The following NPAS3 variants were observed in gnomAD, a reference collection of about 807,000 sequenced individuals.
NPAS3 encodes the protein neuronal PAS domain-containing protein 3.
A neutral mutation model predicts 73.1 loss-of-function variants in NPAS3; 14 were observed. The observed-to-expected ratio is 0.19, with a 90% confidence interval of 0.13 to 0.30. NPAS3 has a LOEUF of 0.30. Ranked by LOEUF, NPAS3 falls within the 10% of genes least tolerant of loss-of-function variation. The pLI, the probability that NPAS3 is intolerant of heterozygous loss-of-function variation, is 1.00. For synonymous variants in NPAS3, 620 were observed against 541.5 expected (o/e 1.14, Z -2.01); for missense variants, 1,096 against 1,250.0 (o/e 0.88, Z 1.86).
At chr14:33,300,368 T>C (rs1288475863) in intron 3 of NPAS3, among the ~76,000 whole-genome samples, 2 of 152,204 alleles carry the variant, frequency 1.3e-5, no homozygotes, top group Non-Finnish European at 1.5e-5. Context: ...CCAAATAATA[T>C]TGGCTTAACT....
chr14:33,635,141 A>G (rs1036340037), intron 5 of NPAS3, among the ~76,000 whole-genome samples: 1 of 152,238 alleles, frequency 6.6e-6, no homozygotes, highest in Non-Finnish European at 1.5e-5. Flanking sequence ...AAGGGCGTAC[A>G]TTGTGCCATT....
At chr14:33,784,730 T>TTTA (rs1341236642) in intron 9 of NPAS3, among the ~76,000 whole-genome samples, 17 of 101,884 alleles carry the variant, frequency 1.7e-4, no homozygotes, top group African/African-American at 8.1e-4. Flanking sequence ...TTTTTATTTA[T>TTTA]TTATTTATTT....
At chr14:33,556,069 A>G (rs2055344841) in intron 4 of NPAS3, among the ~76,000 whole-genome samples, 1 of 152,130 alleles carries the variant, frequency 6.6e-6, no homozygotes, top group South Asian at 2.1e-4. Flanking sequence ...CATGTGTTGA[A>G]GCCTCTGTTT....
intron 5 of NPAS3, chr14:33,578,237 A>G (rs1412119684): frequency 4.4e-6 from 2 of 455,718 alleles, no homozygotes; most frequent in Non-Finnish European, 8.8e-6. Context: ...CTTGTTGCCC[A>G]GGCTGGAGTG....
chr14:33,378,513 G>A (rs2046399948), intron 4 of NPAS3, among the ~76,000 whole-genome samples: 2 of 152,138 alleles, frequency 1.3e-5, no homozygotes, highest in East Asian at 1.9e-4. Context: ...GCACGTGCTT[G>A]TAATCCCAGC....
intron 1 of NPAS3, among the ~76,000 whole-genome samples, chr14:32,988,408 G>C (rs1595160627): frequency 6.6e-6 from 1 of 152,132 alleles, no homozygotes; most frequent in East Asian, 1.9e-4. Context: ...TTTAGAAACA[G>C]ACACATCCTA....
intron 2 of NPAS3, among the ~76,000 whole-genome samples, chr14:33,175,001 A>G (rs551411189): frequency 6.6e-6 from 1 of 152,180 alleles, no homozygotes; most frequent in Non-Finnish European, 1.5e-5. Flanking sequence ...AAGGAAACAA[A>G]CATTGAGGAA....
intron 2 of NPAS3, among the ~76,000 whole-genome samples, chr14:33,122,164 A>T (rs1429198931): frequency 6.6e-6 from 1 of 152,120 alleles, no homozygotes; most frequent in African/African-American, 2.4e-5. Context: ...CTGTAAAGGG[A>T]TGCCTTTCTG....
chr14:33,676,467 A>G, intron 6 of NPAS3, 82 bp downstream of exon 6: 3 of 1,205,428 alleles, frequency 2.5e-6, no homozygotes, highest in East Asian at 2.6e-5. Flanking sequence ...ATGTGAAGAG[A>G]CTATAAATAG....
intron 4 of NPAS3, among the ~76,000 whole-genome samples, chr14:33,480,497 GTCTC>G (rs1201838828): frequency 1.3e-5 from 2 of 148,708 alleles, no homozygotes; most frequent in African/African-American, 5.0e-5. Context: ...CTCTCCGTCT[GTCTC>G]TCTCTCTCCC....
chr14:33,732,715 C>T (rs1212739951), intron 6 of NPAS3, among the ~76,000 whole-genome samples: 4 of 152,162 alleles, frequency 2.6e-5, no homozygotes, highest in African/African-American at 9.7e-5. Context: ...TGAGGCAAAA[C>T]CGACCTTAAC....
intron 3 of NPAS3, among the ~76,000 whole-genome samples, chr14:33,329,298 C>T (rs533160320): frequency 7.2e-4 from 109 of 152,228 alleles, no homozygotes; most frequent in Non-Finnish European, 1.2e-3. Flanking sequence ...CAGACAGCAG[C>T]GAACAAGCAA....
chr14:33,388,982 T>G (rs1181168801), intron 4 of NPAS3, among the ~76,000 whole-genome samples: 1 of 152,066 alleles, frequency 6.6e-6, no homozygotes, highest in Non-Finnish European at 1.5e-5. Flanking sequence ...TGTTGTTCCC[T>G]TCTCACCTTT....
intron 2 of NPAS3, among the ~76,000 whole-genome samples, chr14:33,121,779 C>T (rs536961279): frequency 7.9e-4 from 120 of 152,206 alleles, no homozygotes; most frequent in Non-Finnish European, 1.5e-3. Flanking sequence ...ATTACTGAAG[C>T]TTAAATGTTC....
chr14:33,347,664 A>C (rs1028197538), intron 3 of NPAS3, among the ~76,000 whole-genome samples: 5 of 152,222 alleles, frequency 3.3e-5, no homozygotes, highest in African/African-American at 1.2e-4. Context: ...ACAGATAACA[A>C]AATCCTTGGA....
chr14:33,098,972 T>C (rs1322715586), intron 2 of NPAS3, among the ~76,000 whole-genome samples: 2 of 152,240 alleles, frequency 1.3e-5, no homozygotes, highest in Non-Finnish European at 2.9e-5. Context: ...AAACTTAGTC[T>C]ATGTTCCAGT....
At chr14:33,354,865 C>T (rs2140362138) in intron 3 of NPAS3, among the ~76,000 whole-genome samples, 1 of 152,288 alleles carries the variant, frequency 6.6e-6, no homozygotes, top group East Asian at 1.9e-4. Context: ...CTAGGGTCAA[C>T]TCATCGTCAT....
intron 2 of NPAS3, among the ~76,000 whole-genome samples, chr14:33,085,997 C>T (rs1243379734): frequency 6.6e-6 from 1 of 152,092 alleles, no homozygotes; most frequent in African/African-American, 2.4e-5. Context: ...GGCATATTGT[C>T]TCTTGGCATA....
At position 33,267,839 on chromosome 14, in the gene NPAS3, C is replaced by T. The variant is rs886805764; in HGVS notation, c.385+52413C>T. On this transcript the variant is annotated intron_variant, in intron 3 of 11. Transcript: ENST00000356141. ...CATTGGGCATGCAGAGGAGTGCTAT[C>T]GGCACATATTGGGATGAAGTGAGTC... 4.6e-5 allele frequency among the ~76,000 whole-genome samples: 7 copies of T among 152,210 alleles called. 1 individual carries two copies. The highest frequency in any genetic ancestry group is 3.9e-4 in the Admixed American group (6 of 15,282).
Sources: gnomAD v4.1 joint callset for allele counts (sites outside exome capture counted in the v4.1 genomes callset) on GRCh38, gnomAD v4.1.1 for gene constraint, MANE v1.5 for transcripts, NCBI Gene and HGNC (gene_info 2026-07-23, HGNC 2026-07-21) for gene names.